Variants in AFAP1 observed in about 807,000 individuals in gnomAD.
AFAP1 encodes the protein actin filament associated protein 1.
A neutral mutation model predicts 93.9 loss-of-function variants in AFAP1; 75 were observed. The ratio of observed to expected loss-of-function variants is 0.80; its 90% CI spans 0.66 to 0.97. The LOEUF is 0.97. Among genes scored for constraint, AFAP1 ranks in the 50% least tolerant of loss-of-function variants. The pLI, the probability that AFAP1 is intolerant of heterozygous loss-of-function variation, is 0.00. For missense variants in AFAP1, 1,201 were observed against 1,050.8 expected, an observed-to-expected ratio of 1.14 and a Z score of -1.98; for synonymous variants, 517 against 430.7, an observed-to-expected ratio of 1.20 and a Z score of -2.48.
At chr4:7,855,599 C>G in intron 3 of AFAP1, 25 bp from the exon 4 acceptor site, 1 of 1,529,194 alleles carries the variant, frequency 6.5e-7, no homozygotes, top group East Asian at 2.2e-5. Flanking sequence ...AAAAGTGACA[C>G]AGAAATTAGC....
At chr4:7,814,356 C>A (rs1720291338) in intron 8 of AFAP1, among the ~76,000 whole-genome samples, 1 of 152,088 alleles carries the variant, frequency 6.6e-6, no homozygotes, top group Non-Finnish European at 1.5e-5. Context: ...ATAGAAAGAA[C>A]AAAACAAAAG....
intron 5 of AFAP1, among the ~76,000 whole-genome samples, chr4:7,840,318 G>A (rs1192173795): frequency 6.7e-6 from 1 of 150,360 alleles, no homozygotes; most frequent in Non-Finnish European, 1.5e-5. Flanking sequence ...GTGTGTGTGT[G>A]TGTGTGTGTG....
chr4:7,838,140 GA>G (rs1215128636), intron 6 of AFAP1, among the ~76,000 whole-genome samples: 1 of 152,156 alleles, frequency 6.6e-6, no homozygotes, highest in Non-Finnish European at 1.5e-5. Flanking sequence ...TGTATTTTAA[GA>G]AAATGGCTGA....
chr4:7,911,284 C>T (rs779189128), intron 1 of AFAP1, among the ~76,000 whole-genome samples: 2 of 152,188 alleles, frequency 1.3e-5, no homozygotes, highest in Admixed American at 6.5e-5. Flanking sequence ...CAGGAGCCAG[C>T]CGCCTCCTTC....
chr4:7,820,803 G>A (rs923364342), intron 6 of AFAP1, among the ~76,000 whole-genome samples: 20 of 152,188 alleles, frequency 1.3e-4, no homozygotes, highest in African/African-American at 3.6e-4. Flanking sequence ...CTGTCTGACA[G>A]AGTCCACTTT....
In AFAP1 at chr4:7,776,004, T is replaced by A. The variant is rs898902724; in HGVS notation, c.1898-1101A>T. Reference sequence around the variant, plus strand: ...CTCTCCTATTATGTTGGCTTTTCAATAACAGTAATTTAGGACAACACCTCT... The same window carrying A: ...CTCTCCTATTATGTTGGCTTTTCAAAAACAGTAATTTAGGACAACACCTCT... On this transcript the variant is annotated intron_variant, in intron 14 of 17. Transcript: ENST00000420658. The A allele has an allele frequency of 3.3e-5, 5 of 152,322 alleles. No homozygotes were observed. In the East Asian group the frequency reaches 5.8e-4, roughly 18 times the overall value. 9.4% of individuals were successfully genotyped at this position (152,322 alleles called of 1,614,324 possible).
In AFAP1 at chr4:7,843,292, ATCC is replaced by A. The variant is rs1382795880; in HGVS notation, c.390_392del (p.Glu130del). The A allele has an allele frequency of 1.9e-6, 3 of 1,613,838 alleles. No homozygotes were observed. Among genetic ancestry groups the A allele is most frequent in the Non-Finnish European group, 2.5e-6 (3 of 1,179,952 alleles). On this transcript the variant is annotated inframe_deletion, in exon 5 of 18. Transcript: ENST00000420658. ...GGTGCCGGGTTTTCTTCCCCTTCCC[ATCC>A]TCCTCCTCTTCATCATACGACTCAT...
rs1318249898 is a variant in AFAP1 at position 7,939,209 on chromosome 4, C to G, written c.-3+447G>C. 8.8e-6 allele frequency: 2 copies of G among 226,480 alleles called. No homozygotes were observed. The highest frequency in any genetic ancestry group is 1.8e-5 in the Non-Finnish European group (2 of 109,442). 14.0% of individuals were successfully genotyped at this position (226,480 alleles called of 1,614,324 possible). A position where few individuals can be genotyped will look rare whatever the true frequency, so the allele number is the denominator to read the frequency against. On this transcript the variant is annotated intron_variant, in intron 1 of 17. Coordinates refer to ENST00000420658, the MANE Select transcript of AFAP1 (RefSeq NM_001134647.2). The surrounding 1 kb of genome is among the most constrained non-coding windows in gnomAD (Gnocchi z 5.6). ...GCCCCCATCCAGAGTCACGGACCCCCTCGTCCGAGGGTCCGCGCAGTCCCC... is the reference window on the plus strand; with the variant it reads ...GCCCCCATCCAGAGTCACGGACCCCGTCGTCCGAGGGTCCGCGCAGTCCCC...
intron 1 of AFAP1, among the ~76,000 whole-genome samples, chr4:7,903,487 C>T (rs928001212): frequency 6.6e-6 from 1 of 152,086 alleles, no homozygotes; most frequent in Non-Finnish European, 1.5e-5. Context: ...CAAGATCAGC[C>T]GACCAACACG....
chr4:7,811,315 C>A (rs1322906214), intron 8 of AFAP1, among the ~76,000 whole-genome samples: 2 of 152,062 alleles, frequency 1.3e-5, no homozygotes, highest in Non-Finnish European at 2.9e-5. Flanking sequence ...CCTCCCACCC[C>A]CACCGCAGGA....
intron 10 of AFAP1, among the ~76,000 whole-genome samples, chr4:7,798,436 A>G (rs574272139): frequency 2.6e-5 from 4 of 151,194 alleles, no homozygotes; most frequent in Non-Finnish European, 5.9e-5. Flanking sequence ...GGCTCACAGC[A>G]TTGCAACCCT....
intron 9 of AFAP1, among the ~76,000 whole-genome samples, chr4:7,809,122 C>T (rs1719788553): frequency 1.3e-5 from 2 of 151,836 alleles, no homozygotes; most frequent in Admixed American, 6.6e-5. Flanking sequence ...AGGTTAGTTA[C>T]ATATGTATAC....
At chr4:7,897,373 A>G (rs1238321657) in intron 1 of AFAP1, among the ~76,000 whole-genome samples, 1 of 152,158 alleles carries the variant, frequency 6.6e-6, no homozygotes, top group East Asian at 1.9e-4. Context: ...ACACACAACT[A>G]CAGCTACAGC....
chr4:7,787,391 A>G (rs963367535), intron 11 of AFAP1, among the ~76,000 whole-genome samples: 2 of 152,210 alleles, frequency 1.3e-5, no homozygotes, highest in Non-Finnish European at 2.9e-5. Context: ...CGTTCTAGCA[A>G]TGACTGAACT....
intron 6 of AFAP1, among the ~76,000 whole-genome samples, chr4:7,832,670 T>TAA (rs5855986): frequency 0.15 from 20,918 of 142,386 alleles, 1,640 homozygotes; most frequent in African/African-American, 0.17. Flanking sequence ...ATTCATATGT[T>TAA]AAAAAAAAAA....
intron 3 of AFAP1, among the ~76,000 whole-genome samples, chr4:7,861,025 G>C (rs1715619997): frequency 6.6e-6 from 1 of 152,138 alleles, no homozygotes; most frequent in African/African-American, 2.4e-5. Context: ...CCTTTCCAGG[G>C]AAACACCAAT....
chr4:7,769,110 A>G (rs1221001430), intron 16 of AFAP1, 102 bp from the exon 17 acceptor site: 23 of 1,426,636 alleles, frequency 1.6e-5, no homozygotes, highest in Middle Eastern at 1.9e-4. Flanking sequence ...AGTTTTGGAA[A>G]TGGGCAAAAA....
chr4:7,923,033 G>A lies in AFAP1; in HGVS notation c.-3+16623C>T, dbSNP rs1577362417. 2.6e-5 allele frequency among the ~76,000 whole-genome samples: 4 copies of A among 152,092 alleles called. No individual in the cohort carries two copies. The South Asian group carries it at 8.3e-4, about 32-fold the overall frequency. On this transcript the variant is annotated intron_variant, in intron 1 of 17. Coordinates refer to ENST00000420658, the MANE Select transcript of AFAP1 (RefSeq NM_001134647.2). ...ATGAGCAAAAAATCACTAAGAATTT[G>A]TATAGACATAAAGCAGAAAATCATA... is the stretch of plus-strand genomic sequence containing the variant.
At chr4:7,844,828 A>G (rs915252929) in intron 4 of AFAP1, among the ~76,000 whole-genome samples, 1 of 152,244 alleles carries the variant, frequency 6.6e-6, no homozygotes, top group South Asian at 2.1e-4. Context: ...ATTCATCTCC[A>G]AATTCCCCTC....
Sources: gnomAD v4.1 joint callset for allele counts (sites outside exome capture counted in the v4.1 genomes callset) on GRCh38, gnomAD v4.1.1 for gene constraint, Gnocchi (gnomAD v3.1) non-coding constraint, MANE v1.5 for transcripts, NCBI Gene and HGNC (gene_info 2026-07-23, HGNC 2026-07-21) for gene names.